Variants in PCBP2 observed in about 807,000 individuals in gnomAD.
PCBP2 encodes the protein poly(rC)-binding protein 2.
PCBP2 carries 4 observed loss-of-function variants against 50.1 expected under a neutral mutation model. The observed-to-expected ratio is 0.08, with a 90% CI of 0.04 to 0.18. The LOEUF (loss-of-function observed/expected upper bound fraction) is 0.18, where lower values mean the gene tolerates loss of function less well. Among genes scored for constraint, PCBP2 ranks in the 10% least tolerant of loss-of-function variants. The pLI is 1.00. For synonymous variants in PCBP2, 179 were observed against 168.0 expected, an observed-to-expected ratio of 1.07 and a Z score of -0.51; for missense variants, 161 against 474.3, an observed-to-expected ratio of 0.34 and a Z score of 6.14.
chr12:53,466,203 T>C (rs1362653009), intron 10 of PCBP2, among the ~76,000 whole-genome samples: 1 of 152,350 alleles, frequency 6.6e-6, no homozygotes, highest in East Asian at 1.9e-4. Flanking sequence ...AGCTTCTCCT[T>C]TCCCCCTGTG....
intron 1 of PCBP2, chr12:53,453,175 C>T (rs1940712174): frequency 1.3e-5 from 2 of 149,708 alleles, no homozygotes; most frequent in Admixed American, 1.3e-4. Flanking sequence ...TACTTTACCT[C>T]AAGAAATGGC....
chr12:53,475,176 A>C (rs774592959), intron 14 of PCBP2: 1 of 456,424 alleles, frequency 2.2e-6, no homozygotes, highest in African/African-American at 2.0e-5. Context: ...ATGTGTAACT[A>C]ACAAACTGAA....
chr12:53,474,582 A>G (rs910966889), intron 14 of PCBP2, among the ~76,000 whole-genome samples: 13 of 152,220 alleles, frequency 8.5e-5, no homozygotes, highest in African/African-American at 2.2e-4. Context: ...GGGTTGGGTC[A>G]GTGTGTCAGA....
intron 6 of PCBP2, 124 bp downstream of exon 6, chr12:53,459,527 A>G: frequency 1.4e-6 from 1 of 695,880 alleles, no homozygotes. Flanking sequence ...CTAGAGGATT[A>G]CAATGTGATT....
chr12:53,453,026 G>A (rs1940692304), intron 1 of PCBP2: 2 of 152,208 alleles, frequency 1.3e-5, no homozygotes, highest in African/African-American at 4.8e-5. Flanking sequence ...CCCAGACCGA[G>A]CTATTTATGG....
intron 13 of PCBP2, among the ~76,000 whole-genome samples, chr12:53,471,276 GTT>G (rs869289440): frequency 7.2e-5 from 10 of 139,520 alleles, no homozygotes; most frequent in Admixed American, 7.2e-5. Flanking sequence ...GAGACCCTCG[GTT>G]TTTTTTTTTT....
At chr12:53,457,424 G>T (rs1941112782) in intron 5 of PCBP2, among the ~76,000 whole-genome samples, 1 of 151,926 alleles carries the variant, frequency 6.6e-6, no homozygotes, top group African/African-American at 2.4e-5. Flanking sequence ...AAGTACAGTT[G>T]TGTTACCATG....
At chr12:53,472,752 T>G (rs917309957) in intron 14 of PCBP2, among the ~76,000 whole-genome samples, 1 of 152,334 alleles carries the variant, frequency 6.6e-6, no homozygotes, top group East Asian at 1.9e-4. Context: ...ACCATGTATA[T>G]ATGCTATGGT....
chr12:53,456,194 T>TG, intron 5 of PCBP2, 193 bp downstream of exon 5: 3 of 577,186 alleles, frequency 5.2e-6, no homozygotes, highest in Non-Finnish European at 9.3e-6. Context: ...AGGCTGGGCG[T>TG]GGTGGCTCAT....
At chr12:53,458,608 G>A (rs946291768) in intron 5 of PCBP2, among the ~76,000 whole-genome samples, 3 of 150,268 alleles carry the variant, frequency 2.0e-5, no homozygotes, top group South Asian at 4.2e-4. Flanking sequence ...TGCCCGGTCT[G>A]TTTTATATTT....
At position 53,468,802 on chromosome 12, in the gene PCBP2, T is replaced by C. The variant is rs1941992808; in HGVS notation, c.852T>C (p.Thr284=). 6.2e-7 allele frequency: 1 copy of C among 1,613,646 alleles called. No homozygotes were observed. The highest frequency in any genetic ancestry group is 1.3e-5 in the African/African-American group (1 of 74,932). ...CAGGTTTGGATGCATCTGCTCAGACTACTTCTCATGAACTCACCATTCCAA... is the reference window on the plus strand; with the variant it reads ...CAGGTTTGGATGCATCTGCTCAGACCACTTCTCATGAACTCACCATTCCAA... The part of the protein sequence containing the change: ...YWAGLDASAQ[T]TSHELTIPND... Residue 284 remains threonine, a synonymous_variant, in exon 13 of 15, where the codon ACT becomes ACC. Transcript: ENST00000546463.
chr12:53,470,407 A>G (rs1447308380), intron 13 of PCBP2, among the ~76,000 whole-genome samples: 5 of 124,218 alleles, frequency 4.0e-5, no homozygotes, highest in African/African-American at 1.4e-4. Context: ...AAAAAAGTGT[A>G]GTGGCTTTTT....
chr12:53,459,844 C>T (rs546381802), intron 6 of PCBP2: 5 of 454,146 alleles, frequency 1.1e-5, no homozygotes, highest in East Asian at 7.0e-5. Context: ...AGCAAAACAT[C>T]GACCTTCCCA....
intron 5 of PCBP2, among the ~76,000 whole-genome samples, chr12:53,457,640 G>A (rs545074572): frequency 3.3e-5 from 5 of 151,822 alleles, no homozygotes; most frequent in African/African-American, 9.7e-5. Context: ...GCCACCATGC[G>A]TGGCCTTTAT....
chr12:53,458,848 A>G (rs985001806), intron 5 of PCBP2, among the ~76,000 whole-genome samples: 2 of 152,072 alleles, frequency 1.3e-5, no homozygotes, highest in African/African-American at 2.4e-5. Flanking sequence ...TATGTTGGCC[A>G]GGCTGGTCTT....
At chr12:53,457,783 A>G (rs1393737539) in intron 5 of PCBP2, among the ~76,000 whole-genome samples, 1 of 152,202 alleles carries the variant, frequency 6.6e-6, no homozygotes, top group East Asian at 1.9e-4. Flanking sequence ...TTATCAGCCT[A>G]GAGATTAGGC....
chr12:53,477,548 C>T (rs538777487), intron 14 of PCBP2, among the ~76,000 whole-genome samples: 27 of 151,502 alleles, frequency 1.8e-4, no homozygotes, highest in African/African-American at 5.1e-4. Context: ...CGCCTGTAGT[C>T]CCAGCAACTC....
At chr12:53,476,680 T>C (rs561385380) in intron 14 of PCBP2, among the ~76,000 whole-genome samples, 1 of 152,156 alleles carries the variant, frequency 6.6e-6, no homozygotes, top group East Asian at 1.9e-4. Context: ...AGTATTCCAA[T>C]ATATTATCTC....
chr12:53,468,880 A>G lies in PCBP2; in HGVS notation c.882+48A>G, dbSNP rs1432522659. 5 of 1,363,852 alleles carry G rather than the reference A, an allele frequency of 3.7e-6. No individual in the cohort carries two copies. The East Asian group carries it at 6.9e-5, about 19-fold the overall frequency. 84.5% of individuals were successfully genotyped at this position (1,363,852 alleles called of 1,614,324 possible). ...GGATGAAAATAAGAAAATAGACTGT[A>G]AAGAAATAGATGTCGTTTCAGCAGT... On this transcript the variant is annotated intron_variant, in intron 13 of 14. Coordinates refer to ENST00000546463, the MANE Select transcript of PCBP2 (RefSeq NM_031989.5).
Sources: gnomAD v4.1 joint callset for allele counts (sites outside exome capture counted in the v4.1 genomes callset) on GRCh38, gnomAD v4.1.1 for gene constraint, MANE v1.5 for transcripts, NCBI Gene and HGNC (gene_info 2026-07-23, HGNC 2026-07-21) for gene names.